The following RBKS variants were observed in gnomAD, a reference collection of about 807,000 sequenced individuals.
RBKS encodes ribokinase.
RBKS carries 33 observed loss-of-function variants against 33.9 expected under a neutral mutation model. The ratio of observed to expected loss-of-function variants is 0.97; its 90% CI spans 0.74 to 1.30. RBKS has a LOEUF of 1.30. RBKS is among the 50% of genes most tolerant of loss of function. The pLI is 0.00. For missense variants in RBKS, 361 were observed against 392.6 expected, an observed-to-expected ratio of 0.92 and a Z score of 0.68; for synonymous variants, 125 against 143.0, an observed-to-expected ratio of 0.87 and a Z score of 0.90.
intron 1 of RBKS, among the ~76,000 whole-genome samples, chr2:27,882,970 T>G (rs1056209990): frequency 6.6e-6 from 1 of 151,908 alleles, no homozygotes; most frequent in Non-Finnish European, 1.5e-5. Context: ...GAAAAATAAC[T>G]AATGAGAACT....
chr2:27,832,914 T>C (rs1678450956), intron 5 of RBKS, 137 bp from the exon 6 acceptor site: 2 of 635,070 alleles, frequency 3.1e-6, no homozygotes. Flanking sequence ...GTTACGGATG[T>C]AGAGAAAAGT....
At chr2:27,873,323 A>G (rs1028654236) in intron 1 of RBKS, among the ~76,000 whole-genome samples, 1 of 152,210 alleles carries the variant, frequency 6.6e-6, no homozygotes, top group African/African-American at 2.4e-5. Flanking sequence ...TTCTTGGGCA[A>G]CTGTGGCATG....
intron 1 of RBKS, among the ~76,000 whole-genome samples, chr2:27,886,933 T>C (rs1002828691): frequency 1.1e-4 from 16 of 152,026 alleles, no homozygotes; most frequent in Non-Finnish European, 1.8e-4. Context: ...CTAAATATTG[T>C]AGGATTTTTT....
intron 6 of RBKS, among the ~76,000 whole-genome samples, chr2:27,830,792 G>T (rs1573052431): frequency 1.3e-5 from 2 of 152,140 alleles, no homozygotes; most frequent in South Asian, 4.1e-4. Flanking sequence ...CTAGTAAGGG[G>T]TGGGGTACTA....
chr2:27,805,533 GAA>G (rs1372959021), intron 7 of RBKS, among the ~76,000 whole-genome samples: 1 of 152,144 alleles, frequency 6.6e-6, no homozygotes, highest in African/African-American at 2.4e-5. Context: ...GTCCTTGTAG[GAA>G]ACAGCAAGTT....
chr2:27,857,446 T>C (rs148787490), intron 2 of RBKS, among the ~76,000 whole-genome samples: 8 of 152,336 alleles, frequency 5.3e-5, no homozygotes, highest in African/African-American at 1.9e-4. Context: ...ATACTGTATG[T>C]TACAATATCA....
At chr2:27,789,974 TATATATATATGTAGAG>T (rs1558533157) in intron 7 of RBKS, among the ~76,000 whole-genome samples, 8 of 138,054 alleles carry the variant, frequency 5.8e-5, no homozygotes, top group African/African-American at 2.0e-4. Context: ...TATATATATG[TATATATATATGTAGAG>T]AGAGAGAGAG....
intron 7 of RBKS, among the ~76,000 whole-genome samples, chr2:27,816,659 G>A (rs1234978762): frequency 1.3e-5 from 2 of 151,840 alleles, no homozygotes; most frequent in Non-Finnish European, 2.9e-5. Context: ...TGTCACCCAG[G>A]CTGGTCTCGG....
rs530289466 is a variant in RBKS, at chr2:27,877,478, T to C, written c.89+12779A>G. On this transcript the variant is annotated intron_variant, in intron 1 of 7. Coordinates refer to ENST00000302188, the MANE Select transcript of RBKS (RefSeq NM_022128.3). ...GAATACCTGTATTTTTTCTTAAATC[T>C]CAAAACAAAATTAGGATTTTTTCCC... Among the ~76,000 whole-genome samples the C allele has an allele frequency of 2.6e-4, 39 of 152,320 alleles. No individual in the cohort carries two copies. The South Asian group carries it at 7.7e-3, about 30-fold the overall frequency.
chr2:27,831,325 A>C (rs1039387097), intron 6 of RBKS, among the ~76,000 whole-genome samples: 3 of 152,152 alleles, frequency 2.0e-5, no homozygotes, highest in Admixed American at 6.5e-5. Flanking sequence ...TGGAGAAGAC[A>C]GAAGAATTGA....
intron 1 of RBKS, chr2:27,861,355 G>C: frequency 2.4e-6 from 1 of 413,262 alleles, no homozygotes; most frequent in South Asian, 1.8e-5. Context: ...AGGGAAGCAG[G>C]GGGAGACTGG....
intron 5 of RBKS, among the ~76,000 whole-genome samples, chr2:27,835,860 T>G (rs1019535656): frequency 2.6e-5 from 4 of 152,158 alleles, no homozygotes; most frequent in African/African-American, 9.7e-5. Flanking sequence ...TATAAAAAGC[T>G]GATAGGACTA....
At chr2:27,784,410 G>A (rs922343736) in intron 7 of RBKS, among the ~76,000 whole-genome samples, 20 of 152,224 alleles carry the variant, frequency 1.3e-4, no homozygotes, top group Non-Finnish European at 1.5e-4. Flanking sequence ...TTCAGTCACA[G>A]TTGATGTATT....
chr2:27,866,712 T>G (rs187407564), intron 1 of RBKS, among the ~76,000 whole-genome samples: 18 of 152,328 alleles, frequency 1.2e-4, no homozygotes, highest in African/African-American at 4.3e-4. Flanking sequence ...CATTTTTCAT[T>G]TTTTAGACCT....
At chr2:27,812,285 G>T (rs1343914559) in intron 7 of RBKS, among the ~76,000 whole-genome samples, 1 of 152,192 alleles carries the variant, frequency 6.6e-6, no homozygotes, top group Non-Finnish European at 1.5e-5. Context: ...TTCAACCATT[G>T]TGGAAGACAG....
intron 7 of RBKS, 35 bp from the exon 8 acceptor site, chr2:27,781,823 G>T (rs367834538): frequency 7.9e-5 from 123 of 1,558,438 alleles, no homozygotes; most frequent in Non-Finnish European, 1.0e-4. Flanking sequence ...AGATAAGCAT[G>T]TAGTCAATCT....
At chr2:27,872,028 C>T (rs1405536447) in intron 1 of RBKS, among the ~76,000 whole-genome samples, 2 of 152,166 alleles carry the variant, frequency 1.3e-5, no homozygotes, top group Non-Finnish European at 2.9e-5. Context: ...AATGCTACTG[C>T]TGATCTGACA....
intron 7 of RBKS, among the ~76,000 whole-genome samples, chr2:27,794,696 T>G (rs1401961066): frequency 6.6e-6 from 1 of 150,476 alleles, no homozygotes; most frequent in African/African-American, 2.5e-5. Flanking sequence ...CGATCTCGGC[T>G]CACTGCAACC....
At chr2:27,877,671 G>A (rs1664339758) in intron 1 of RBKS, among the ~76,000 whole-genome samples, 1 of 152,176 alleles carries the variant, frequency 6.6e-6, no homozygotes, top group Admixed American at 6.5e-5. Flanking sequence ...GTCAATGTGG[G>A]AAAATAAAGT....
Sources: allele counts gnomAD v4.1 joint callset (sites outside exome capture counted in the v4.1 genomes callset), GRCh38; gene constraint gnomAD v4.1.1; transcripts MANE v1.5; gene names NCBI Gene and HGNC (gene_info 2026-07-23, HGNC 2026-07-21).